The following MGST1 variants were observed in gnomAD, a reference collection of about 807,000 sequenced individuals.
MGST1 encodes glutathione S-transferase 12.
Under a neutral mutation model 8.9 loss-of-function variants are expected in MGST1, and 5 were observed. The ratio of observed to expected loss-of-function variants is 0.56; its 90% CI spans 0.29 to 1.19. The LOEUF (loss-of-function observed/expected upper bound fraction) is 1.19, where lower values mean the gene tolerates loss of function less well. MGST1 is among the 50% of genes most tolerant of loss of function. The pLI is 0.08. For missense variants in MGST1, 182 were observed against 187.4 expected, an observed-to-expected ratio of 0.97 and a Z score of 0.17; for synonymous variants, 54 against 67.8, an observed-to-expected ratio of 0.80 and a Z score of 1.00.
intron 3 of MGST1, 132 bp downstream of exon 3, chr12:16,357,831 C>G (rs1366317608): frequency 3.1e-6 from 2 of 651,840 alleles, no homozygotes; most frequent in Admixed American, 6.3e-5. Context: ...ATGACAATTA[C>G]AGAAAACTGG....
rs1304785371 is a variant in MGST1, at chr12:16,547,028, G to C, written n.483-42500G>C. ...GTTCAACACGAAAGTCTTACATCTT[G>C]ATTATAAAAGTAAAAATATACCTTT... is the stretch of plus-strand genomic sequence containing the variant. On this transcript the variant is annotated intron_variant and non_coding_transcript_variant, in intron 4 of 4. Coordinates refer to the MGST1 transcript ENST00000538857. The surrounding 1 kb of genome is among the most constrained non-coding windows in gnomAD (Gnocchi z 4.6). Among the ~76,000 whole-genome samples the C allele has an allele frequency of 6.6e-6, 1 of 152,074 alleles. No homozygotes were observed. Among genetic ancestry groups the C allele is most frequent in the African/African-American group, 2.4e-5 (1 of 41,402 alleles).
chr12:16,402,194 C>T, intron 1 of MGST1: 12 of 1,581,154 alleles, frequency 7.6e-6, no homozygotes, highest in South Asian at 5.5e-5. Flanking sequence ...TTTTGCTGGC[C>T]ATAAAGATGA....
intron 4 of MGST1, chr12:16,551,471 G>A: frequency 1.7e-6 from 1 of 586,640 alleles, no homozygotes; most frequent in Non-Finnish European, 3.0e-6. Flanking sequence ...TTCATTATCA[G>A]AATTAGACCA....
At chr12:16,365,743 G>GCACACACACA (rs769759439), downstream of MGST1, among the ~76,000 whole-genome samples, 2 of 100,406 alleles carry the variant, frequency 2.0e-5, no homozygotes, top group Non-Finnish European at 3.9e-5. Flanking sequence ...GCGTGCACGC[G>GCACACACACA]CACACACACA....
intron 4 of MGST1, among the ~76,000 whole-genome samples, chr12:16,581,543 A>G (rs1449343879): frequency 6.6e-6 from 1 of 152,198 alleles, no homozygotes; most frequent in Non-Finnish European, 1.5e-5. Flanking sequence ...AACACTACCC[A>G]TTATAGAGTA....
chr12:16,353,201 T>G (rs186733943), intron 1 of MGST1, among the ~76,000 whole-genome samples: 1 of 151,970 alleles, frequency 6.6e-6, no homozygotes, highest in East Asian at 1.9e-4. Context: ...ACCCGGCTAA[T>G]TTTTTGTATT....
Position 16,513,468 on chromosome 12 carries a change from T to A in MGST1, n.483-76060T>A. The A allele has an allele frequency of 2.3e-6, 1 of 435,350 alleles. No individual in the cohort carries two copies. The highest frequency in any genetic ancestry group is 4.6e-6 in the Non-Finnish European group (1 of 218,936). 27.0% of individuals were successfully genotyped at this position (435,350 alleles called of 1,614,324 possible). On this transcript the variant is annotated intron_variant and non_coding_transcript_variant, in intron 4 of 4. Transcript: ENST00000538857. This position sits in a 1 kb window ranked among gnomAD's most constrained non-coding sequence, Gnocchi z 4.2. ...CACCCGGGCTCGCCTCTGATGCCCC[T>A]GCCAGAGCCAGCTCCTGGTGGACCC...
chr12:16,511,841 G>A lies in MGST1; in HGVS notation n.483-77687G>A, dbSNP rs543235496. Among the ~76,000 whole-genome samples the A allele has an allele frequency of 2.8e-4, 42 of 152,124 alleles. No homozygotes were observed. The South Asian group carries it at 8.3e-3, about 30-fold the overall frequency. ...ATAGGGTCACATTTGGAGACAGTTC[G>A]GTGATATATGCTAATATCCACTCTG... On this transcript the variant is annotated intron_variant and non_coding_transcript_variant, in intron 4 of 4. Transcript: ENST00000538857.
chr12:16,382,050 T>G (rs1217374093), downstream of MGST1, among the ~76,000 whole-genome samples: 1 of 152,178 alleles, frequency 6.6e-6, no homozygotes, highest in Non-Finnish European at 1.5e-5. Context: ...AATTTTTTTT[T>G]CAAAGCTTTT....
chr12:16,443,269 A>G (rs748298445), downstream of MGST1, among the ~76,000 whole-genome samples: 25 of 151,924 alleles, frequency 1.6e-4, no homozygotes, highest in South Asian at 1.7e-3. Context: ...TTTGAAAATA[A>G]CATATAATTT....
At chr12:16,421,467 A>G (rs1243901588) in intron 1 of MGST1, among the ~76,000 whole-genome samples, 1 of 152,200 alleles carries the variant, frequency 6.6e-6, no homozygotes, top group Non-Finnish European at 1.5e-5. Context: ...TAATTCCCCA[A>G]ATGGGATCAC....
At chr12:16,505,637 T>A (rs769356500) in intron 4 of MGST1, among the ~76,000 whole-genome samples, 3 of 152,208 alleles carry the variant, frequency 2.0e-5, no homozygotes, top group Admixed American at 6.5e-5. Flanking sequence ...GTTATATTAA[T>A]TGGGCCCTCT....
intron 1 of MGST1, among the ~76,000 whole-genome samples, chr12:16,394,271 CT>C (rs949287525): frequency 2.6e-5 from 4 of 151,544 alleles, no homozygotes; most frequent in African/African-American, 9.7e-5. Context: ...TGGCAAGTAT[CT>C]TTTCTTTTTT....
chr12:16,578,182 TTAAC>T (rs1397997202), intron 4 of MGST1, among the ~76,000 whole-genome samples: 2 of 152,212 alleles, frequency 1.3e-5, no homozygotes, highest in African/African-American at 4.8e-5. Flanking sequence ...TTAGAAAATG[TTAAC>T]TAACTACCTA....
chr12:16,365,637 AG>A (rs1440844149), downstream of MGST1, among the ~76,000 whole-genome samples: 1 of 152,208 alleles, frequency 6.6e-6, no homozygotes, highest in South Asian at 2.1e-4. Context: ...TCTTGGCCTT[AG>A]GAACGCTTTG....
chr12:16,553,374 G>A (rs890501902), intron 4 of MGST1, among the ~76,000 whole-genome samples: 1 of 151,984 alleles, frequency 6.6e-6, no homozygotes, highest in South Asian at 2.1e-4. Context: ...GGTTATACAG[G>A]GTGTAACTGT....
intron 4 of MGST1, among the ~76,000 whole-genome samples, chr12:16,522,296 T>C (rs1299388062): frequency 4.6e-5 from 7 of 152,170 alleles, no homozygotes; most frequent in African/African-American, 7.2e-5. Context: ...CTTTGGCTTA[T>C]TGAGTTTTGA....
At chr12:16,422,209 C>T (rs2137084867) in intron 1 of MGST1, among the ~76,000 whole-genome samples, 1 of 152,274 alleles carries the variant, frequency 6.6e-6, no homozygotes, top group Non-Finnish European at 1.5e-5. Context: ...CTCTTTCAGC[C>T]CTCTGATCAA....
chr12:16,442,466 G>A (rs536643421), downstream of MGST1, among the ~76,000 whole-genome samples: 104 of 151,822 alleles, frequency 6.9e-4, no homozygotes, highest in African/African-American at 2.4e-3. The surrounding 1 kb of genome is among the most constrained non-coding windows in gnomAD (Gnocchi z 4.5). Flanking sequence ...TTACATCTGT[G>A]ACCCATTTTC....
Sources: allele counts gnomAD v4.1 joint callset (sites outside exome capture counted in the v4.1 genomes callset), GRCh38; gene constraint gnomAD v4.1.1; non-coding constraint Gnocchi (gnomAD v3.1); transcripts MANE v1.5; gene names NCBI Gene and HGNC (gene_info 2026-07-23, HGNC 2026-07-21).